The following STRBP variants were observed in gnomAD, a reference collection of about 807,000 sequenced individuals.
STRBP encodes spermatid perinuclear RNA binding protein, also known as spermatid perinuclear RNA-binding protein.
Under a neutral mutation model 80.1 loss-of-function variants are expected in STRBP, and 13 were observed. The observed-to-expected ratio is 0.16, with a 90% CI of 0.11 to 0.26. The LOEUF (loss-of-function observed/expected upper bound fraction) is 0.26. Ranked by LOEUF, STRBP falls within the 10% of genes least tolerant of loss-of-function variation. The pLI is 1.00. For synonymous variants in STRBP, 284 were observed against 291.2 expected, an observed-to-expected ratio of 0.98 and a Z score of 0.25; for missense variants, 485 against 815.2, an observed-to-expected ratio of 0.59 and a Z score of 4.93.
chr9:123,182,217 T>TAAAAAAAAAAAAAAA (rs10546358), intron 3 of STRBP, among the ~76,000 whole-genome samples: 1 of 69,766 alleles, frequency 1.4e-5, no homozygotes, highest in Non-Finnish European at 3.6e-5. Context: ...TCCGTTTCTT[T>TAAAAAAAAAAAAAAA]AAAAAAAAAA....
rs369560466 is a variant in STRBP at position 123,170,018 on chromosome 9, T to C, written c.419A>G (p.Glu140Gly). Reference protein sequence around the residue: ...QKLTEEKYQVEQCVNEASIII... With the variant: ...QKLTEEKYQVGQCVNEASIII... ...AATAGATGCCTCATTTACACATTGT[T>C]CCACTTGATATTTCTCTTCTGTGAG... The change falls in exon 6 of 19, where the codon GAA becomes GGA. Residue 140 changes from glutamate to glycine, a missense_variant. Glu to Gly is a moderately conservative substitution (Grantham distance 98). This residue lies in a region of STRBP where 377 missense variants were observed against 616.1 expected (regional missense o/e 0.61). Transcript: ENST00000348403. 13 of 1,609,688 alleles carry C rather than the reference T, an allele frequency of 8.1e-6. No individual in the cohort carries two copies. The highest frequency in any genetic ancestry group is 1.0e-5 in the Non-Finnish European group (12 of 1,178,542).
intron 3 of STRBP, chr9:123,111,789 T>C (rs552694443): frequency 3.0e-6 from 1 of 334,604 alleles, no homozygotes; most frequent in African/African-American, 2.3e-5. Context: ...GAAGTGTTCC[T>C]TCTTAGAGCT....
chr9:123,204,460 G>A (rs760323786), intron 2 of STRBP, among the ~76,000 whole-genome samples: 2 of 152,066 alleles, frequency 1.3e-5, no homozygotes, highest in Non-Finnish European at 2.9e-5. Flanking sequence ...TTTAAACCAC[G>A]ATCAAACATG....
At chr9:123,168,319 C>T (rs906127841) in intron 6 of STRBP, 2 of 671,018 alleles carry the variant, frequency 3.0e-6, no homozygotes, top group African/African-American at 2.0e-5. Flanking sequence ...ATACTACATA[C>T]AGCAAAAAAA....
At chr9:123,182,540 G>C (rs1405619804) in intron 3 of STRBP, among the ~76,000 whole-genome samples, 1 of 152,148 alleles carries the variant, frequency 6.6e-6, no homozygotes, top group Non-Finnish European at 1.5e-5. Context: ...AGATATAAAA[G>C]AATCAGTGTG....
intron 1 of STRBP, among the ~76,000 whole-genome samples, chr9:123,254,236 A>G (rs767632259): frequency 3.9e-5 from 6 of 152,022 alleles, no homozygotes; most frequent in Non-Finnish European, 8.8e-5. Context: ...CAAGAAATCT[A>G]CCTCTTGCCA....
rs1344296374 is a variant in STRBP at position 123,244,299 on chromosome 9, G to T, written c.-301-7333C>A. Among the ~76,000 whole-genome samples the T allele has an allele frequency of 3.3e-5, 5 of 152,144 alleles. No individual in the cohort carries two copies. The East Asian group carries it at 9.6e-4, about 29-fold the overall frequency. On this transcript the variant is annotated intron_variant, in intron 1 of 18. Transcript: ENST00000348403. The stretch of plus-strand genomic sequence containing the variant: ...AAAGGATCAGTGGTTGCCACGAACT[G>T]GGGGTACAGGAGGGCTGAACAGGTA...
intron 6 of STRBP, among the ~76,000 whole-genome samples, chr9:123,165,279 CA>C (rs568070749): frequency 0.025 from 1,255 of 50,944 alleles, 12 homozygotes; most frequent in African/African-American, 0.064. Context: ...GACTCCATCT[CA>C]AAAAAAAAAA....
chr9:123,206,662 G>A (rs28491993), intron 2 of STRBP, among the ~76,000 whole-genome samples: 21,820 of 150,942 alleles, frequency 0.14, 5,069 homozygotes, highest in African/African-American at 0.49. Flanking sequence ...TTTTTGACAC[G>A]GGTTTCACTC....
intron 3 of STRBP, among the ~76,000 whole-genome samples, chr9:123,183,717 A>G (rs1017712472): frequency 2.6e-5 from 4 of 152,204 alleles, no homozygotes; most frequent in African/African-American, 9.7e-5. Flanking sequence ...TGGCTTTTTC[A>G]GTTAAACATT....
chr9:123,135,428 T>A, intron 16 of STRBP, among the ~76,000 whole-genome samples: 1 of 152,188 alleles, frequency 6.6e-6, no homozygotes, highest in East Asian at 1.9e-4. Context: ...CTAGAAAATG[T>A]TTTTTGAATG....
At chr9:123,198,945 T>C (rs572251354) in intron 2 of STRBP, among the ~76,000 whole-genome samples, 16 of 152,226 alleles carry the variant, frequency 1.1e-4, no homozygotes, top group Admixed American at 2.0e-4. Context: ...CATTTGTCTA[T>C]GTCCCTACTT....
intron 2 of STRBP, among the ~76,000 whole-genome samples, chr9:123,207,522 G>C (rs532315793): frequency 6.6e-6 from 1 of 152,146 alleles, no homozygotes; most frequent in East Asian, 1.9e-4. Flanking sequence ...TCAAAGTAAT[G>C]ACAAAAAATT....
At chr9:123,252,533 C>A (rs2040938931) in intron 1 of STRBP, among the ~76,000 whole-genome samples, 1 of 152,164 alleles carries the variant, frequency 6.6e-6, no homozygotes, top group South Asian at 2.1e-4. Context: ...TTGAGCCAAG[C>A]TACAAGGGCA....
At chr9:123,118,804 C>T (rs1446632409), downstream of STRBP, among the ~76,000 whole-genome samples, 1 of 152,202 alleles carries the variant, frequency 6.6e-6, no homozygotes, top group Non-Finnish European at 1.5e-5. Context: ...TCACCTCTTA[C>T]CAACAGCCAA....
rs1236263427 is a variant in STRBP at position 123,195,983 on chromosome 9, G to C, written c.-164-11685C>G. On this transcript the variant is annotated intron_variant, in intron 2 of 18. Transcript: ENST00000348403. ...GAGCTGTTGTAACAAAAACAGCATA[G>C]TGCTGGCATAAAAACAGACACATGC... Among the ~76,000 whole-genome samples the C allele has an allele frequency of 5.3e-5, 8 of 152,268 alleles. No homozygotes were observed. The East Asian group carries it at 1.5e-3, about 29-fold the overall frequency.
intron 1 of STRBP, among the ~76,000 whole-genome samples, chr9:123,241,602 T>C (rs1177052536): frequency 2.0e-5 from 3 of 151,732 alleles, no homozygotes; most frequent in Non-Finnish European, 4.4e-5. Flanking sequence ...ATAACAATAA[T>C]CATCCAACCA....
intron 13 of STRBP, among the ~76,000 whole-genome samples, chr9:123,140,499 C>G (rs1432088075): frequency 6.6e-6 from 1 of 152,070 alleles, no homozygotes; most frequent in Non-Finnish European, 1.5e-5. Flanking sequence ...GATGTTAAGG[C>G]TGGAGAATTG....
chr9:123,263,905 C>T (rs922386795), intron 1 of STRBP, among the ~76,000 whole-genome samples: 3 of 152,172 alleles, frequency 2.0e-5, no homozygotes, highest in African/African-American at 4.8e-5. Flanking sequence ...TTTGGCTGGG[C>T]GCGATGGCTC....
Sources: allele counts gnomAD v4.1 joint callset (sites outside exome capture counted in the v4.1 genomes callset), GRCh38; gene constraint gnomAD v4.1.1; regional missense constraint gnomAD v4.1.1; transcripts MANE v1.5; gene names NCBI Gene and HGNC (gene_info 2026-07-23, HGNC 2026-07-21).